ZNF106: variants seen among roughly 807,000 people sequenced by gnomAD.
ZNF106 encodes the protein zinc finger protein 106.
A neutral mutation model predicts 195.1 loss-of-function variants in ZNF106; 67 were observed. The ratio of observed to expected loss-of-function variants is 0.34; its 90% CI spans 0.28 to 0.42. The LOEUF (loss-of-function observed/expected upper bound fraction) is 0.42. Among genes scored for constraint, ZNF106 ranks in the 10% least tolerant of loss-of-function variants. ZNF106 has a pLI of 1.00. For synonymous variants in ZNF106, 784 were observed against 818.6 expected (o/e 0.96, Z 0.72); for missense variants, 2,118 against 2,304.5 (o/e 0.92, Z 1.66).
intron 9 of ZNF106, 148 bp from the exon 10 acceptor site, chr15:42,442,562 G>A: frequency 1.8e-6 from 1 of 558,420 alleles, no homozygotes; most frequent in South Asian, 2.4e-5. Context: ...GAAATATGGA[G>A]AATATAATCT....
At chr15:42,487,989 C>A (rs1288828498) in intron 1 of ZNF106, among the ~76,000 whole-genome samples, 2 of 152,132 alleles carry the variant, frequency 1.3e-5, no homozygotes, top group East Asian at 3.8e-4. Flanking sequence ...ATGCATGTAA[C>A]CTACACATAC....
In ZNF106 at chr15:42,468,817, G is replaced by A. The variant is rs201665151; in HGVS notation, c.55-2703C>T. Among the ~76,000 whole-genome samples the A allele has an allele frequency of 1.6e-4, 24 of 152,064 alleles. No homozygotes were observed. The East Asian group carries it at 3.3e-3, about 21-fold the overall frequency. On this transcript the variant is annotated intron_variant, in intron 2 of 21. Transcript: ENST00000564754. ...CTCTTCTAGCCACAACTGACTGGCC[G>A]CTAACTAAAATTAACACTTGTGGAC...
intron 3 of ZNF106, chr15:42,457,488 A>G: frequency 8.5e-7 from 1 of 1,181,108 alleles, no homozygotes; most frequent in Non-Finnish European, 1.1e-6. Flanking sequence ...GGCTCAGAGC[A>G]AGCAGAAGTT....
intron 3 of ZNF106, among the ~76,000 whole-genome samples, chr15:42,458,629 AC>A (rs1383026408): frequency 6.6e-6 from 1 of 151,388 alleles, no homozygotes; most frequent in Non-Finnish European, 1.5e-5. Context: ...AATCGCTTGA[AC>A]CCAGGAGGCA....
intron 11 of ZNF106, 98 bp from the exon 12 acceptor site, chr15:42,438,765 G>A (rs2141314521): frequency 1.8e-6 from 2 of 1,089,146 alleles, no homozygotes; most frequent in East Asian, 2.5e-5. Flanking sequence ...TAAACAATGG[G>A]CAAAGTAGCA....
Position 42,450,456 on chromosome 15 carries a change from C to A in ZNF106, c.1816G>T (p.Val606Leu). ...TCACTTTCATCTTCTAGTGCGTGCA[C>A]TTGAAACTCAATTTTCAAAGACCCT... ...EKGSLKIEFQVHALEDESDGE... is the reference protein window; with the variant it reads ...EKGSLKIEFQLHALEDESDGE... The change falls in exon 5 of 22, where the codon GTG (valine) becomes TTG (leucine). Residue 606 changes from valine to leucine, a missense_variant. By Grantham distance (32) the Val-to-Leu change is conservative. Transcript: ENST00000564754. 6.2e-7 allele frequency: 1 copy of A among 1,614,190 alleles called. No homozygotes were observed. Among genetic ancestry groups the A allele is most frequent in the Non-Finnish European group, 8.5e-7 (1 of 1,180,044 alleles).
In ZNF106 at chr15:42,417,228, AAG is replaced by A; in HGVS notation, c.*74_*75del. The A allele has an allele frequency of 1.3e-6, 2 of 1,508,338 alleles. No homozygotes were observed. The highest frequency in any genetic ancestry group is 1.1e-5 in the South Asian group (1 of 87,676). The allele number at this position is 1,508,338 out of a possible 1,614,324, so 93.4% of individuals were successfully genotyped here. On this transcript the variant is annotated 3_prime_UTR_variant, in exon 22 of 22. Transcript: ENST00000564754. ...CCTTCCTTACTTCACCAAGAAAGGGAAGAGAGTGGCCTGTGTGGGGGGCCAAT... is the reference window on the plus strand; with the variant it reads ...CCTTCCTTACTTCACCAAGAAAGGGAAGAGTGGCCTGTGTGGGGGGCCAAT...
At chr15:42,453,519 T>C (rs2056119230) in intron 4 of ZNF106, among the ~76,000 whole-genome samples, 1 of 152,190 alleles carries the variant, frequency 6.6e-6, no homozygotes, top group African/African-American at 2.4e-5. Context: ...ATTTACTGAG[T>C]ACCTGAGTGT....
chr15:42,429,212 G>A (rs1412769144), intron 14 of ZNF106, among the ~76,000 whole-genome samples: 9 of 151,258 alleles, frequency 6.0e-5, no homozygotes, highest in Admixed American at 3.3e-4. Context: ...AAGCCGAGGC[G>A]GGTGAATCAC....
chr15:42,449,645 C>T (rs2055907498), intron 5 of ZNF106, 126 bp downstream of exon 5: 2 of 1,272,506 alleles, frequency 1.6e-6, no homozygotes, highest in South Asian at 1.5e-5. Context: ...TAAATCAAGA[C>T]ATCTACAACA....
At chr15:42,454,583 TGAA>T (rs1273074743) in intron 4 of ZNF106, among the ~76,000 whole-genome samples, 1 of 151,844 alleles carries the variant, frequency 6.6e-6, no homozygotes, top group Non-Finnish European at 1.5e-5. Flanking sequence ...AAAATACTCC[TGAA>T]GAAGTAGATG....
chr15:42,469,425 CTT>C (rs978364696), intron 2 of ZNF106, among the ~76,000 whole-genome samples: 4 of 152,116 alleles, frequency 2.6e-5, no homozygotes, highest in African/African-American at 7.2e-5. Context: ...TTTAATGTGA[CTT>C]TTGTTTTTTT....
Position 42,451,240 on chromosome 15 carries a change from G to C in ZNF106, c.1032C>G (p.Ser344Arg). The C allele has an allele frequency of 6.2e-7, 1 of 1,614,082 alleles. No individual in the cohort carries two copies. Among genetic ancestry groups the C allele is most frequent in the Non-Finnish European group, 8.5e-7 (1 of 1,180,016 alleles). Reference sequence around the variant, plus strand: ...CAGTGTCTGCTTGTTTAGTGGTTTGGCTTTCCAGCTGCTCAAAATTGAAGT... The same window carrying C: ...CAGTGTCTGCTTGTTTAGTGGTTTGCCTTTCCAGCTGCTCAAAATTGAAGT... ...LLDFNFEQLE[S>R]QTTKQADTAT... Residue 344 changes from serine to arginine, a missense_variant, in exon 5 of 22, where the codon AGC becomes AGG. Ser to Arg is a moderately radical substitution (Grantham distance 110). Coordinates refer to ENST00000564754, the MANE Select transcript of ZNF106 (RefSeq NM_001366845.3).
Position 42,450,684 on chromosome 15 carries a change from G to A in ZNF106, c.1588C>T (p.Arg530Cys), listed in dbSNP as rs2055980218. The change falls in exon 5 of 22, where the codon CGT (arginine) becomes TGT (cysteine). Residue 530 changes from arginine to cysteine, a missense_variant. By Grantham distance (180) the Arg-to-Cys change is radical (BLOSUM62 -3). Coordinates refer to ENST00000564754, the MANE Select transcript of ZNF106 (RefSeq NM_001366845.3). Reference sequence around the variant, plus strand: ...TTTAAAACATGAGGACATGAACTACGCAGTTTGGATATGTAAGGACCATGG... The same window carrying A: ...TTTAAAACATGAGGACATGAACTACACAGTTTGGATATGTAAGGACCATGG... ...DNHGPYISKL[R>C]SSCPHVLKGN... The A allele has an allele frequency of 1.4e-5, 22 of 1,614,002 alleles. 1 individual carries two copies. Among genetic ancestry groups the A allele is most frequent in the South Asian group, 5.5e-5 (5 of 91,088 alleles).
At chr15:42,468,540 C>T (rs1030883119) in intron 2 of ZNF106, among the ~76,000 whole-genome samples, 3 of 149,892 alleles carry the variant, frequency 2.0e-5, no homozygotes, top group African/African-American at 4.9e-5. Flanking sequence ...GTCAGGAGTT[C>T]GAGACCAGCC....
rs1472856554 is a variant in ZNF106, at chr15:42,451,104, T to G, written c.1168A>C (p.Ile390Leu). ...ATCATTTCTGACTTGTTACCAGTGA[T>G]GTCTTTCAATCCCGACTGTAAATCC... The part of the protein sequence containing the change: ...TLDLQSGLKD[I>L]TGNKSEMIEK... The change falls in exon 5 of 22, where the codon ATC becomes CTC. Residue 390 changes from isoleucine (I) to leucine (L), a missense_variant. Physicochemically the swap from Ile to Leu is conservative, Grantham distance 5. Coordinates refer to ENST00000564754, the MANE Select transcript of ZNF106 (RefSeq NM_001366845.3). 1 of 1,614,222 alleles carries G rather than the reference T, an allele frequency of 6.2e-7. No individual in the cohort carries two copies. The highest frequency in any genetic ancestry group is 1.3e-5 in the African/African-American group (1 of 75,058).
chr15:42,439,498 G>A lies in ZNF106; in HGVS notation c.4079C>T (p.Ala1360Val). ...HSPADQPEQQ[A>V]ESTLTSAETR... ...CTCAGCTGATGTCAAAGTGGATTCT[G>A]CCTGTTGTTCAGGCTGGTCAGCTGG... The change falls in exon 11 of 22, where the codon GCA becomes GTA. Residue 1360 changes from alanine (A) to valine (V), a missense_variant. Transcript: ENST00000564754. The A allele has an allele frequency of 6.2e-7, 1 of 1,614,128 alleles. No homozygotes were observed. Among genetic ancestry groups the A allele is most frequent in the South Asian group, 1.1e-5 (1 of 91,066 alleles).
chr15:42,417,969 G>A lies in ZNF106; in HGVS notation c.5518-18C>T, dbSNP rs780772689. ...CCATGCCACTGGAGAGAAAGAAAAT[G>A]AGGAGACTCGGTGAAAAAGGGTGCA... On this transcript the variant is annotated intron_variant, in intron 20 of 21. Coordinates refer to ENST00000564754, the MANE Select transcript of ZNF106 (RefSeq NM_001366845.3). 6.2e-7 allele frequency: 1 copy of A among 1,607,888 alleles called. No individual in the cohort carries two copies. The highest frequency in any genetic ancestry group is 1.3e-5 in the African/African-American group (1 of 74,478).
intron 3 of ZNF106, among the ~76,000 whole-genome samples, chr15:42,460,198 A>G (rs1379489120): frequency 6.6e-6 from 1 of 152,196 alleles, no homozygotes; most frequent in Non-Finnish European, 1.5e-5. Context: ...TATAATCCCT[A>G]AAAAGTATTT....
Sources: gnomAD v4.1 joint callset for allele counts (sites outside exome capture counted in the v4.1 genomes callset) on GRCh38, gnomAD v4.1.1 for gene constraint, MANE v1.5 for transcripts, NCBI Gene and HGNC (gene_info 2026-07-23, HGNC 2026-07-21) for gene names.